The following DCDC1 variants were observed in gnomAD, a reference collection of about 807,000 sequenced individuals.
DCDC1 encodes doublecortin domain containing 1.
In DCDC1, 200 loss-of-function variants were observed where a neutral mutation model predicts 178.3. That is an observed-to-expected ratio of 1.12 (90% CI 1.00 to 1.26). DCDC1 has a LOEUF of 1.26. Among genes scored for constraint, DCDC1 ranks in the 50% most tolerant of loss-of-function variants. DCDC1 has a pLI of 0.00. For synonymous variants in DCDC1, 690 were observed against 604.8 expected, an observed-to-expected ratio of 1.14 and a Z score of -2.07; for missense variants, 1,983 against 1,749.2, an observed-to-expected ratio of 1.13 and a Z score of -2.38.
In DCDC1 at chr11:31,105,872, C is replaced by T. The variant is rs190795868; in HGVS notation, c.1751+925G>A. 3.6e-4 allele frequency among the ~76,000 whole-genome samples: 55 copies of T among 152,168 alleles called. No individual in the cohort carries two copies. The East Asian group carries it at 8.9e-3, about 25-fold the overall frequency. ...TTGCTAAGATTTAGGTTTATTTATG[C>T]TATTTTCATTATAGTTAATATATGA... On this transcript the variant is annotated intron_variant, in intron 13 of 38. Transcript: ENST00000684477.
chr11:31,100,976 C>A (rs1958467849), intron 15 of DCDC1, among the ~76,000 whole-genome samples: 1 of 152,160 alleles, frequency 6.6e-6, no homozygotes, highest in Non-Finnish European at 1.5e-5. Flanking sequence ...CAAAACCCGG[C>A]AGAAGTAGAA....
rs1945280317 is a variant in DCDC1, at chr11:30,909,254, T to C, written c.3748-138A>G. The C allele has an allele frequency of 5.4e-6, 3 of 551,184 alleles. No homozygotes were observed. The Admixed American group carries it at 1.2e-4, about 23-fold the overall frequency. The allele number at this position is 551,184 out of a possible 1,614,324, so 34.1% of individuals were successfully genotyped here. ...ACAGTGACAACTACTACTCTTGAAA[T>C]TTTAGTGATTAGACATGCAATCTTT... is the stretch of plus-strand genomic sequence containing the variant. On this transcript the variant is annotated intron_variant, in intron 28 of 38. Coordinates refer to ENST00000684477, the MANE Select transcript of DCDC1 (RefSeq NM_001387274.1).
chr11:31,328,873 T>A (rs1949794570), intron 2 of DCDC1, among the ~76,000 whole-genome samples: 1 of 149,656 alleles, frequency 6.7e-6, no homozygotes, highest in East Asian at 1.9e-4. Flanking sequence ...TAATTTTTGC[T>A]ATTTGCTGGA....
At position 31,091,497 on chromosome 11, in the gene DCDC1, C is replaced by G. The variant is rs367962190; in HGVS notation, c.2133G>C (p.Leu711=). The change falls in exon 17 of 39, where the codon CTG becomes CTC. Residue 711 remains leucine, a synonymous_variant. Coordinates refer to ENST00000684477, the MANE Select transcript of DCDC1 (RefSeq NM_001387274.1). ...GGCAGCCCTGAGTTATCGCTCGGCT[C>G]AGGATCATTCCAGTCTTCCAATGAA... ...VWLITKTGMI[L]SRAITQGCLA... The G allele has an allele frequency of 2.3e-4, 177 of 753,764 alleles. No individual in the cohort carries two copies. The highest frequency in any genetic ancestry group is 7.0e-5 in the Admixed American group (4 of 57,418). 46.7% of individuals were successfully genotyped at this position (753,764 alleles called of 1,614,324 possible). A position where few individuals can be genotyped will look rare whatever the true frequency, so the allele number is the denominator to read the frequency against.
intron 11 of DCDC1, among the ~76,000 whole-genome samples, chr11:31,114,512 G>T (rs1959571601): frequency 6.6e-6 from 1 of 152,106 alleles, no homozygotes; most frequent in Non-Finnish European, 1.5e-5. Context: ...TGGGTGATCT[G>T]GATAAGCTTC....
At chr11:31,345,781 G>A (rs1463914915) in intron 1 of DCDC1, among the ~76,000 whole-genome samples, 1 of 151,970 alleles carries the variant, frequency 6.6e-6, no homozygotes, top group East Asian at 1.9e-4. Flanking sequence ...GAAACAAATA[G>A]ATAATGAAAG....
At chr11:31,025,834 A>T (rs1481996295) in intron 20 of DCDC1, among the ~76,000 whole-genome samples, 1 of 151,768 alleles carries the variant, frequency 6.6e-6, no homozygotes, top group Non-Finnish European at 1.5e-5. Flanking sequence ...ACAGATGAGG[A>T]AACTGAGGCC....
At chr11:31,080,916 GT>G (rs1414120422) in intron 17 of DCDC1, among the ~76,000 whole-genome samples, 1 of 152,210 alleles carries the variant, frequency 6.6e-6, no homozygotes, top group South Asian at 2.1e-4. Flanking sequence ...ATAAACTGAT[GT>G]TAACCATACA....
At chr11:31,095,433 T>C (rs1958089211) in intron 15 of DCDC1, among the ~76,000 whole-genome samples, 2 of 152,168 alleles carry the variant, frequency 1.3e-5, no homozygotes, top group Admixed American at 6.5e-5. Flanking sequence ...TTTCTCCATA[T>C]CCTCTCCAGC....
At chr11:31,208,559 A>G (rs1410001193) in intron 9 of DCDC1, among the ~76,000 whole-genome samples, 1 of 152,152 alleles carries the variant, frequency 6.6e-6, no homozygotes, top group Non-Finnish European at 1.5e-5. Context: ...TCTCAAGCAC[A>G]CATTAGTTCA....
chr11:31,361,502 A>T (rs971815805), intron 1 of DCDC1, among the ~76,000 whole-genome samples: 3 of 152,164 alleles, frequency 2.0e-5, no homozygotes, highest in East Asian at 1.9e-4. Context: ...TTTTTTTAAG[A>T]CAAGAGTCTT....
intron 9 of DCDC1, among the ~76,000 whole-genome samples, chr11:31,149,261 T>C (rs1244914416): frequency 6.6e-6 from 1 of 152,208 alleles, no homozygotes; most frequent in East Asian, 1.9e-4. Flanking sequence ...TGAAGCCAGC[T>C]GGACTTCCTG....
chr11:31,281,200 T>C (rs1946400747), intron 7 of DCDC1, among the ~76,000 whole-genome samples: 1 of 152,092 alleles, frequency 6.6e-6, no homozygotes, highest in Non-Finnish European at 1.5e-5. Flanking sequence ...ATAAATAAAA[T>C]AGTTTTTATT....
At chr11:30,944,203 C>T in intron 21 of DCDC1, 1 of 406,982 alleles carries the variant, frequency 2.5e-6, no homozygotes, top group Non-Finnish European at 4.8e-6. Flanking sequence ...CTCTCCCTTC[C>T]TTCTCCTTTA....
At chr11:31,012,198 C>T (rs997034204) in intron 20 of DCDC1, among the ~76,000 whole-genome samples, 2 of 152,176 alleles carry the variant, frequency 1.3e-5, no homozygotes, top group Non-Finnish European at 2.9e-5. Context: ...AACTTCTTTT[C>T]TTTATAAATT....
intron 20 of DCDC1, among the ~76,000 whole-genome samples, chr11:31,009,256 T>A (rs1952027955): frequency 6.6e-6 from 1 of 152,208 alleles, no homozygotes; most frequent in African/African-American, 2.4e-5. Context: ...ACTGAAGGTA[T>A]AATAGTTCAT....
chr11:30,985,329 C>A (rs963522099), intron 20 of DCDC1, among the ~76,000 whole-genome samples: 1 of 152,028 alleles, frequency 6.6e-6, no homozygotes, highest in Non-Finnish European at 1.5e-5. Flanking sequence ...AATTAAAATG[C>A]CTGTAAATTT....
At chr11:30,897,399 T>C (rs1266150829) in intron 34 of DCDC1, among the ~76,000 whole-genome samples, 2 of 151,972 alleles carry the variant, frequency 1.3e-5, no homozygotes, top group African/African-American at 2.4e-5. Flanking sequence ...CCATCCTGGC[T>C]AACACGGTGA....
At chr11:31,099,894 T>C (rs928551702) in intron 15 of DCDC1, among the ~76,000 whole-genome samples, 4 of 152,044 alleles carry the variant, frequency 2.6e-5, no homozygotes, top group African/African-American at 7.2e-5. Context: ...AATTTTTGTA[T>C]TTTCAGTAGA....
Sources: allele counts gnomAD v4.1 joint callset (sites outside exome capture counted in the v4.1 genomes callset), GRCh38; gene constraint gnomAD v4.1.1; transcripts MANE v1.5; gene names NCBI Gene and HGNC (gene_info 2026-07-23, HGNC 2026-07-21).